The following RBBP5 variants were observed in gnomAD, a reference collection of about 807,000 sequenced individuals.
RBBP5 encodes the protein retinoblastoma-binding protein 5.
A neutral mutation model predicts 72.2 loss-of-function variants in RBBP5; 5 were observed. The ratio of observed to expected loss-of-function variants is 0.07; its 90% CI spans 0.04 to 0.15. The LOEUF (loss-of-function observed/expected upper bound fraction) is 0.15, where lower values mean the gene tolerates loss of function less well. RBBP5 is among the 10% of genes least tolerant of loss of function. The probability of loss-of-function intolerance (pLI) is 1.00; values close to 1 mark genes in which losing one functional copy is unlikely to be tolerated. For synonymous variants in RBBP5, 209 were observed against 237.2 expected, an observed-to-expected ratio of 0.88 and a Z score of 1.09; for missense variants, 322 against 652.2, an observed-to-expected ratio of 0.49 and a Z score of 5.51.
rs1558576359 is a variant in RBBP5, at chr1:205,104,014, T to C, written c.365A>G (p.Lys122Arg). ...AGATTTCATGGGACACACGAGAACCTTGTTCCTGTTTAAAAATACGAACAG... is the reference window on the plus strand; with the variant it reads ...AGATTTCATGGGACACACGAGAACCCTGTTCCTGTTTAAAAATACGAACAG... ...KVQYHPRDQN[K>R]VLVCPMKSAP... The change falls in exon 5 of 14, where the codon AAG becomes AGG. Residue 122 changes from lysine (K) to arginine (R), a missense_variant. Around this residue, in one of 6 missense-constraint regions of RBBP5, gnomAD observed 161 missense variants for 327.8 expected, o/e 0.49. Coordinates refer to ENST00000264515, the MANE Select transcript of RBBP5 (RefSeq NM_005057.4). 6.2e-7 allele frequency: 1 copy of C among 1,612,490 alleles called. No individual in the cohort carries two copies. The highest frequency in any genetic ancestry group is 8.5e-7 in the Non-Finnish European group (1 of 1,178,562).
At chr1:205,106,981 A>G (rs1656089000) in intron 3 of RBBP5, among the ~76,000 whole-genome samples, 1 of 152,142 alleles carries the variant, frequency 6.6e-6, no homozygotes, top group Non-Finnish European at 1.5e-5. Context: ...AAGAATTAGC[A>G]AACTGGAAGA....
Position 205,094,906 on chromosome 1 carries a change from T to A in RBBP5, c.1555A>T (p.Lys519Ter). ...GGCTGGCTGAGTTCCGCCTGCACTTTACCCTTCGCTGATCCTTCCAGAGGT... is the reference window on the plus strand; with the variant it reads ...GGCTGGCTGAGTTCCGCCTGCACTTAACCCTTCGCTGATCCTTCCAGAGGT... ...GLPLEGSAKG[K>*]VQAELSQPLT... Residue 519 changes from lysine (K) to a stop codon, truncating the protein, a stop_gained, in exon 13 of 14, where the codon AAA becomes TAA. Coordinates refer to ENST00000264515, the MANE Select transcript of RBBP5 (RefSeq NM_005057.4). LOFTEE classifies it high-confidence loss of function. The A allele has an allele frequency of 6.2e-7, 1 of 1,614,180 alleles. No individual in the cohort carries two copies. The highest frequency in any genetic ancestry group is 8.5e-7 in the Non-Finnish European group (1 of 1,180,022).
chr1:205,095,054 T>A lies in RBBP5; in HGVS notation c.1407A>T (p.Pro469=), dbSNP rs142992070. ...TGCCATCCCCCTTCACACCCAGTAG[T>A]GGATGGACTTCTGTAGGACAGACAG... The part of the protein sequence containing the change: ...LQGVPNDEVH[P]LLGVKGDGKS... The change falls in exon 13 of 14, where the codon CCA becomes CCT. Residue 469 remains proline (P), a synonymous_variant. Transcript: ENST00000264515. 39 of 1,614,172 alleles carry A rather than the reference T, an allele frequency of 2.4e-5. No individual in the cohort carries two copies. Among genetic ancestry groups the A allele is most frequent in the Non-Finnish European group, 3.2e-5 (38 of 1,180,018 alleles).
At chr1:205,108,030 G>A (rs1318864026) in intron 3 of RBBP5, among the ~76,000 whole-genome samples, 2 of 151,650 alleles carry the variant, frequency 1.3e-5, no homozygotes, top group Admixed American at 1.3e-4. Flanking sequence ...GGATCATGAG[G>A]TCAAGAGATC....
intron 13 of RBBP5, among the ~76,000 whole-genome samples, chr1:205,093,296 C>A (rs1304709404): frequency 2.0e-5 from 3 of 149,188 alleles, no homozygotes; most frequent in Non-Finnish European, 3.0e-5. Context: ...CCCGTCTCTA[C>A]TAAAAAAACA....
In RBBP5 at chr1:205,099,802, A is replaced by C; in HGVS notation, c.917T>G (p.Val306Gly). The C allele has an allele frequency of 6.2e-7, 1 of 1,613,948 alleles. No individual in the cohort carries two copies. The highest frequency in any genetic ancestry group is 1.1e-5 in the South Asian group (1 of 91,072). ...ELLLDVAWHP[V>G]RPIIASISSG... The stretch of plus-strand genomic sequence containing the variant: ...GGAAATGGATGCTATGATGGGTCGA[A>C]CAGGATGCCACTAAATTTTAGTGAA... Residue 306 changes from valine to glycine, a missense_variant, in exon 9 of 14, where the codon GTT becomes GGT. Val to Gly is a moderately radical substitution (Grantham distance 109, BLOSUM62 -3). Around this residue, in one of 6 missense-constraint regions of RBBP5, gnomAD observed 161 missense variants for 327.8 expected, o/e 0.49. Transcript: ENST00000264515. The surrounding 1 kb of genome is among the most constrained non-coding windows in gnomAD (Gnocchi z 4.7).
chr1:205,098,955 T>C (rs1655718762), intron 10 of RBBP5, 34 bp downstream of exon 10: 1 of 1,353,592 alleles, frequency 7.4e-7, no homozygotes, highest in Non-Finnish European at 1.0e-6. Flanking sequence ...CATTTTCCCT[T>C]TAGGAAATCC....
intron 2 of RBBP5, 70 bp from the exon 3 acceptor site, chr1:205,115,031 C>T (rs1656466870): frequency 7.4e-7 from 1 of 1,347,100 alleles, no homozygotes; most frequent in African/African-American, 1.5e-5. Flanking sequence ...CCTAAAGGTT[C>T]TTTATCACTT....
At chr1:205,117,955 A>G (rs1013787808) in intron 1 of RBBP5, among the ~76,000 whole-genome samples, 1 of 151,994 alleles carries the variant, frequency 6.6e-6, no homozygotes, top group South Asian at 2.1e-4. Flanking sequence ...GATTACAGGC[A>G]TGCACTGCCA....
intron 3 of RBBP5, among the ~76,000 whole-genome samples, chr1:205,107,984 C>T (rs1263708830): frequency 6.8e-6 from 1 of 147,972 alleles, no homozygotes; most frequent in Admixed American, 6.8e-5. Flanking sequence ...GTGGCTCACG[C>T]CTGTAATCCC....
chr1:205,104,902 T>G, intron 4 of RBBP5, 126 bp downstream of exon 4: 1 of 1,090,294 alleles, frequency 9.2e-7, no homozygotes, highest in Non-Finnish European at 1.3e-6. Context: ...GAAAGATTAT[T>G]TTATGTAGAA....
intron 3 of RBBP5, 94 bp from the exon 4 acceptor site, chr1:205,105,262 T>C (rs1294727355): frequency 2.9e-6 from 4 of 1,394,148 alleles, no homozygotes; most frequent in Non-Finnish European, 3.9e-6. Context: ...TTGCTGCAAC[T>C]GCACAGGTCA....
chr1:205,117,204 G>A (rs1475059437), intron 1 of RBBP5, among the ~76,000 whole-genome samples: 2 of 151,972 alleles, frequency 1.3e-5, no homozygotes, highest in East Asian at 3.9e-4. Flanking sequence ...ACAGGCATGT[G>A]GCACCATGCC....
At chr1:205,116,269 A>G (rs576471153) in intron 1 of RBBP5, 22 of 381,346 alleles carry the variant, frequency 5.8e-5, no homozygotes, top group South Asian at 4.4e-4. Flanking sequence ...ATAAACATGT[A>G]ATGGATTTAT....
At chr1:205,105,580 C>A (rs542847405) in intron 3 of RBBP5, among the ~76,000 whole-genome samples, 1 of 152,142 alleles carries the variant, frequency 6.6e-6, no homozygotes, top group African/African-American at 2.4e-5. Context: ...TTTAAAAGAA[C>A]TGAGAAAGAA....
At chr1:205,110,075 G>A (rs72757512) in intron 3 of RBBP5, among the ~76,000 whole-genome samples, 48,363 of 150,998 alleles carry the variant, frequency 0.32, 9,134 homozygotes, top group Non-Finnish European at 0.44. Context: ...TCGCTCTGTC[G>A]CCCAGGCAGA....
chr1:205,101,178 A>G (rs1280871889), intron 6 of RBBP5, among the ~76,000 whole-genome samples: 4 of 152,156 alleles, frequency 2.6e-5, no homozygotes, highest in Non-Finnish European at 5.9e-5. Context: ...CGTATTTCCT[A>G]TTTCTGTTGA....
intron 3 of RBBP5, among the ~76,000 whole-genome samples, chr1:205,111,253 T>C (rs1398927691): frequency 1.3e-5 from 2 of 152,218 alleles, no homozygotes; most frequent in Non-Finnish European, 1.5e-5. Flanking sequence ...GCATCTCAGA[T>C]GCTTATTGGG....
At chr1:205,102,518 T>A (rs567913815) in intron 5 of RBBP5, among the ~76,000 whole-genome samples, 2 of 152,210 alleles carry the variant, frequency 1.3e-5, no homozygotes, top group Non-Finnish European at 2.9e-5. Flanking sequence ...GAGCAGGGAA[T>A]GGGAAATTAT....
Sources: allele counts gnomAD v4.1 joint callset (sites outside exome capture counted in the v4.1 genomes callset), GRCh38; gene constraint gnomAD v4.1.1; regional missense constraint gnomAD v4.1.1; non-coding constraint Gnocchi (gnomAD v3.1); transcripts MANE v1.5; gene names NCBI Gene and HGNC (gene_info 2026-07-23, HGNC 2026-07-21).